The following ZNF143 variants were observed in gnomAD, a reference collection of about 807,000 sequenced individuals.
The protein encoded by ZNF143 is SPH-binding factor.
A neutral mutation model predicts 74.1 loss-of-function variants in ZNF143; 49 were observed. That is an observed-to-expected ratio of 0.66 (90% confidence interval 0.53 to 0.84). The LOEUF (loss-of-function observed/expected upper bound fraction) is 0.84. Among genes scored for constraint, ZNF143 ranks in the 40% least tolerant of loss-of-function variants. The pLI, the probability that ZNF143 is intolerant of heterozygous loss-of-function variation, is 0.00. For synonymous variants in ZNF143, 304 were observed against 282.8 expected, an observed-to-expected ratio of 1.07 and a Z score of -0.75; for missense variants, 637 against 793.4, an observed-to-expected ratio of 0.80 and a Z score of 2.37.
chr11:9,511,287 T>TTTTG (rs1222447924), intron 12 of ZNF143, among the ~76,000 whole-genome samples: 3 of 150,756 alleles, frequency 2.0e-5, no homozygotes, highest in Non-Finnish European at 3.0e-5. Context: ...AATTTTGTGT[T>TTTTG]TTTGTTTGTT....
At chr11:9,521,185 A>C (rs1848912811) in intron 14 of ZNF143, among the ~76,000 whole-genome samples, 1 of 152,194 alleles carries the variant, frequency 6.6e-6, no homozygotes, top group Non-Finnish European at 1.5e-5. Context: ...ATCAGGATTC[A>C]CTGTTAGTGT....
Position 9,472,753 on chromosome 11 carries a change from A to C in ZNF143, c.189A>C (p.Ile63=). 6.3e-7 allele frequency: 1 copy of C among 1,588,692 alleles called. No individual in the cohort carries two copies. Among genetic ancestry groups the C allele is most frequent in the Non-Finnish European group, 8.5e-7 (1 of 1,170,902 alleles). The part of the protein sequence containing the change: ...VTLADGSTAY[I]QHNSKDAKLI... ...TTGCAGATGGTTCTACTGCTTACAT[A>C]CAACACAATTCTAAAGGTATGTGCC... The change falls in exon 3 of 16, where the codon ATA becomes ATC. Residue 63 remains isoleucine, a synonymous_variant. Transcript: ENST00000396602.
intron 7 of ZNF143, 68 bp downstream of exon 7, chr11:9,479,614 C>A: frequency 7.7e-7 from 1 of 1,298,708 alleles, no homozygotes; most frequent in Non-Finnish European, 1.1e-6. Flanking sequence ...TGGATGAAAG[C>A]AAGAATAGGT....
chr11:9,492,448 T>C (rs1264034331), intron 7 of ZNF143, among the ~76,000 whole-genome samples: 33 of 151,828 alleles, frequency 2.2e-4, no homozygotes. Flanking sequence ...AGGGTTTCAC[T>C]GTGTTTGTCA....
chr11:9,515,576 C>G (rs756072598), intron 13 of ZNF143, among the ~76,000 whole-genome samples: 67 of 151,758 alleles, frequency 4.4e-4, no homozygotes, highest in Non-Finnish European at 9.1e-4. Flanking sequence ...GTGGCATGAA[C>G]CCGGGAGGCG....
At chr11:9,496,245 A>G (rs113504381) in intron 8 of ZNF143, 58 bp from the exon 9 acceptor site, 52 of 1,515,072 alleles carry the variant, frequency 3.4e-5, no homozygotes, top group East Asian at 4.5e-5. Flanking sequence ...CTGTGTTGCA[A>G]CCATCTTCCT....
Position 9,512,513 on chromosome 11 carries a change from GTTGT to G in ZNF143, c.1444_1447del (p.Val482LeufsTer4), listed in dbSNP as rs1565062172. 13 of 1,614,028 alleles carry G rather than the reference GTTGT, an allele frequency of 8.1e-6. No individual in the cohort carries two copies. The highest frequency in any genetic ancestry group is 1.1e-5 in the Non-Finnish European group (13 of 1,180,000). The stretch of plus-strand genomic sequence containing the variant: ...TGTTACAGGTGTAGAAGGGGACGAC[GTTGT>G]TTCTACACAAGTAGCCACAGTAACC... On this transcript the variant is annotated frameshift_variant, in exon 13 of 16. Coordinates refer to ENST00000396602, the MANE Select transcript of ZNF143 (RefSeq NM_003442.6). LOFTEE classifies it high-confidence loss of function.
At position 9,527,663 on chromosome 11, in the gene ZNF143, C is replaced by G; in HGVS notation, c.*50C>G. 6.4e-7 allele frequency: 1 copy of G among 1,554,416 alleles called. No individual in the cohort carries two copies. Among genetic ancestry groups the G allele is most frequent in the Non-Finnish European group, 8.9e-7 (1 of 1,127,762 alleles). On this transcript the variant is annotated 3_prime_UTR_variant, in exon 16 of 16. Coordinates refer to ENST00000396602, the MANE Select transcript of ZNF143 (RefSeq NM_003442.6). ...GCAGAAGGAGTCTTTCATCTTCTGG[C>G]AGCAGAAATCCATGAAGCCCGGGCC...
At chr11:9,515,094 C>G (rs1464575378) in intron 13 of ZNF143, among the ~76,000 whole-genome samples, 1 of 152,088 alleles carries the variant, frequency 6.6e-6, no homozygotes, top group African/African-American at 2.4e-5. Flanking sequence ...TGCCATTGCA[C>G]TCCAGCCTGG....
chr11:9,512,012 A>G (rs1051223041), intron 12 of ZNF143, among the ~76,000 whole-genome samples: 1 of 151,778 alleles, frequency 6.6e-6, no homozygotes, highest in African/African-American at 2.4e-5. Flanking sequence ...CAGCCTCCCA[A>G]AGTCCTGGGA....
chr11:9,491,573 A>C (rs1353930099), intron 7 of ZNF143, among the ~76,000 whole-genome samples: 2 of 151,902 alleles, frequency 1.3e-5, no homozygotes, highest in Non-Finnish European at 2.9e-5. Flanking sequence ...TGGGAGGCGG[A>C]GCTACAGTGA....
intron 11 of ZNF143, among the ~76,000 whole-genome samples, chr11:9,504,409 T>TTAGA (rs1848280056): frequency 7.9e-6 from 1 of 126,930 alleles, no homozygotes; most frequent in South Asian, 2.6e-4. Context: ...AAGTCTCTTA[T>TTAGA]TAGATATATT....
At position 9,474,566 on chromosome 11, in the gene ZNF143, T is replaced by C; in HGVS notation, c.306T>C (p.Arg102=). ...GTTCTTGAGCAGGGGACAGTTTGCG[T>C]CTAGAGGATGGTCAAGCAGTACAGT... ...PIPKSTGDSL[R]LEDGQAVQLE... The change falls in exon 5 of 16, where the codon CGT becomes CGC. Residue 102 remains arginine (R), a synonymous_variant. Transcript: ENST00000396602. The C allele has an allele frequency of 6.2e-7, 1 of 1,614,098 alleles. No individual in the cohort carries two copies. The highest frequency in any genetic ancestry group is 8.5e-7 in the Non-Finnish European group (1 of 1,180,010).
intron 5 of ZNF143, among the ~76,000 whole-genome samples, chr11:9,475,310 A>G (rs12274646): frequency 0.068 from 10,397 of 152,138 alleles, 385 homozygotes; most frequent in South Asian, 0.076. Context: ...GTTAGGCTAG[A>G]GTGCAGTGGT....
intron 7 of ZNF143, among the ~76,000 whole-genome samples, chr11:9,490,291 T>G (rs1483814022): frequency 7.4e-6 from 1 of 134,792 alleles, no homozygotes; most frequent in African/African-American, 2.8e-5. Context: ...TTTTTTTTTT[T>G]TGCTTTTTTT....
At position 9,483,311 on chromosome 11, in the gene ZNF143, T is replaced by TTTTTG. The variant is rs1220341466; in HGVS notation, c.645+3768_645+3769insTGTTT. Among the ~76,000 whole-genome samples, 45 of 139,608 alleles carry TTTTTG rather than the reference T, an allele frequency of 3.2e-4. 2 individuals carry two copies. Among genetic ancestry groups the TTTTTG allele is most frequent in the African/African-American group, 1.3e-3 (45 of 35,472 alleles). 91.6% of individuals were successfully genotyped at this position (139,608 alleles called of 152,430 possible). A position where few individuals can be genotyped will look rare whatever the true frequency, so the allele number is the denominator to read the frequency against. On this transcript the variant is annotated intron_variant, in intron 7 of 15. Coordinates refer to ENST00000396602, the MANE Select transcript of ZNF143 (RefSeq NM_003442.6). ...GCCTTTTTTTTTTTTTTTTTTTTTT[T>TTTTTG]TTTGGAGACGGCATCTCGCTCTGTC...
intron 10 of ZNF143, among the ~76,000 whole-genome samples, chr11:9,498,052 A>G (rs962435630): frequency 1.3e-5 from 2 of 151,968 alleles, no homozygotes; most frequent in African/African-American, 2.4e-5. Context: ...GGATGGTCTC[A>G]ATCTTCTGAC....
chr11:9,481,250 T>C (rs938142790), intron 7 of ZNF143, among the ~76,000 whole-genome samples: 4 of 152,050 alleles, frequency 2.6e-5, no homozygotes, highest in Admixed American at 6.6e-5. Flanking sequence ...TAGCAAGGCA[T>C]GGTGGCACAC....
intron 12 of ZNF143, among the ~76,000 whole-genome samples, chr11:9,511,848 T>A (rs1206736489): frequency 6.8e-6 from 1 of 147,870 alleles, no homozygotes; most frequent in Non-Finnish European, 1.5e-5. Flanking sequence ...GCCTCCCGGG[T>A]TCATGCCATT....
Sources: gnomAD v4.1 joint callset for allele counts (sites outside exome capture counted in the v4.1 genomes callset) on GRCh38, gnomAD v4.1.1 for gene constraint, MANE v1.5 for transcripts, NCBI Gene and HGNC (gene_info 2026-07-23, HGNC 2026-07-21) for gene names.